ADCY7: variants seen among roughly 807,000 people sequenced by gnomAD.
ADCY7 encodes the protein adenylate cyclase 7, also known as adenylate cyclase type 7.
ADCY7 carries 72 observed loss-of-function variants against 120.6 expected under a neutral mutation model. The observed-to-expected ratio is 0.60, with a 90% CI of 0.49 to 0.73. The LOEUF (loss-of-function observed/expected upper bound fraction) is 0.73. ADCY7 is among the 30% of genes least tolerant of loss of function. The pLI, the probability that ADCY7 is intolerant of heterozygous loss-of-function variation, is 0.00. For synonymous variants in ADCY7, 661 were observed against 628.0 expected (o/e 1.05, Z -0.78); for missense variants, 1,227 against 1,486.0 (o/e 0.83, Z 2.87).
At chr16:50,263,694 T>A (rs1474655921), upstream of ADCY7, among the ~76,000 whole-genome samples, 1 of 151,950 alleles carries the variant, frequency 6.6e-6, no homozygotes, top group African/African-American at 2.4e-5. Flanking sequence ...CTGCCCCTTT[T>A]CTCAAGCCGA....
chr16:50,263,623 C>T (rs2033115481), upstream of ADCY7, among the ~76,000 whole-genome samples: 1 of 152,092 alleles, frequency 6.6e-6, no homozygotes, highest in African/African-American at 2.4e-5. Context: ...CCCATAAGCT[C>T]CCAGCAGGCA....
intron 16 of ADCY7, 105 bp downstream of exon 16, chr16:50,308,516 C>A: frequency 1.3e-6 from 2 of 1,571,984 alleles, no homozygotes; most frequent in South Asian, 2.3e-5. Flanking sequence ...CTGCTCTGGT[C>A]AAGGTTGGGT....
intron 1 of ADCY7, among the ~76,000 whole-genome samples, chr16:50,247,726 C>T (rs1213137213): frequency 6.6e-6 from 1 of 152,042 alleles, no homozygotes; most frequent in African/African-American, 2.4e-5. Context: ...GATTCAGTTT[C>T]TTTTCCATCT....
chr16:50,269,026 A>G (rs1011500303), intron 1 of ADCY7, among the ~76,000 whole-genome samples: 1 of 152,176 alleles, frequency 6.6e-6, no homozygotes, highest in African/African-American at 2.4e-5. Context: ...GGGTGACGGA[A>G]TGAGACCCTG....
At chr16:50,310,583 G>A (rs377175544) in intron 18 of ADCY7, 104 bp from the exon 19 acceptor site, 103 of 1,585,192 alleles carry the variant, frequency 6.5e-5, no homozygotes, top group South Asian at 5.9e-4. Context: ...AGGCAAGAGC[G>A]TGATGCTGAG....
At chr16:50,255,695 C>T (rs754449560) in intron 1 of ADCY7, among the ~76,000 whole-genome samples, 67 of 152,134 alleles carry the variant, frequency 4.4e-4, no homozygotes, top group Non-Finnish European at 6.8e-4. Flanking sequence ...TTTCAACATG[C>T]TGCCCAGGCT....
intron 9 of ADCY7, 63 bp from the exon 10 acceptor site, chr16:50,301,019 T>A (rs1229013770): frequency 6.3e-7 from 1 of 1,590,162 alleles, no homozygotes; most frequent in Admixed American, 1.7e-5. Flanking sequence ...CTGCTGTGCA[T>A]CCCTGGGTGG....
chr16:50,258,859 G>T (rs951743515), intron 1 of ADCY7, among the ~76,000 whole-genome samples: 9 of 152,098 alleles, frequency 5.9e-5, no homozygotes, highest in African/African-American at 1.9e-4. Flanking sequence ...GTCTCCCAAA[G>T]TGCTGGAATT....
intron 4 of ADCY7, 59 bp downstream of exon 4, chr16:50,291,956 G>GT: frequency 6.6e-7 from 1 of 1,516,022 alleles, no homozygotes; most frequent in East Asian, 2.3e-5. Flanking sequence ...AAGGGCAGAT[G>GT]GGGGGGCCCC....
intron 14 of ADCY7, among the ~76,000 whole-genome samples, chr16:50,306,243 C>T (rs4785210): frequency 0.27 from 40,359 of 152,138 alleles, 5,544 homozygotes; most frequent in East Asian, 0.33. Flanking sequence ...GTACTGATAA[C>T]GACCATTTCT....
chr16:50,284,926 T>A (rs1410755244), intron 1 of ADCY7, among the ~76,000 whole-genome samples: 2 of 152,212 alleles, frequency 1.3e-5, no homozygotes, highest in Non-Finnish European at 2.9e-5. Context: ...GAACTGCTGC[T>A]GTTATTACTG....
intron 1 of ADCY7, among the ~76,000 whole-genome samples, chr16:50,247,049 TTGAATGAATGAA>T (rs112588197): frequency 3.9e-5 from 6 of 151,922 alleles, no homozygotes; most frequent in African/African-American, 1.2e-4. Flanking sequence ...GCTCCAGAGA[TTGAATGAATGAA>T]TGAATGAATG....
At position 50,311,813 on chromosome 16, in the gene ADCY7, C is replaced by CT. The variant is rs767506070; in HGVS notation, c.2448+27_2448+28insT. 50 of 1,314,918 alleles carry CT rather than the reference C, an allele frequency of 3.8e-5. No homozygotes were observed. The East Asian group carries it at 1.2e-3, about 32-fold the overall frequency. The allele number at this position is 1,314,918 out of a possible 1,614,324, so 81.5% of individuals were successfully genotyped here. A position where few individuals can be genotyped will look rare whatever the true frequency, so the allele number is the denominator to read the frequency against. On this transcript the variant is annotated intron_variant, in intron 20 of 25. Coordinates refer to ENST00000673801, the MANE Select transcript of ADCY7 (RefSeq NM_001114.5). ...TAAGGAGGCTGGCCCCCCCCCCCCC[C>CT]CCAAGCTCTGCCCACTTTTCCTCAC...
At chr16:50,314,526 T>TTGTCAGATCAGAG in intron 24 of ADCY7, 120 bp downstream of exon 24, 1 of 693,778 alleles carries the variant, frequency 1.4e-6, no homozygotes, top group Non-Finnish European at 2.5e-6. Flanking sequence ...CCCTCTGATC[T>TTGTCAGATCAGAG]GACAAGCTCA....
upstream of ADCY7, among the ~76,000 whole-genome samples, chr16:50,245,361 G>T (rs1284517392): frequency 6.6e-6 from 1 of 152,174 alleles, no homozygotes. Context: ...AGACCAGTGG[G>T]AAAGGGCGGG....
At position 50,310,834 on chromosome 16, in the gene ADCY7, T is replaced by A. The variant is rs776632939; in HGVS notation, c.2308T>A (p.Cys770Ser). The change falls in exon 19 of 26, where the codon TGC (cysteine) becomes AGC (serine). Residue 770 changes from cysteine to serine, a missense_variant. Cys to Ser is a moderately radical substitution (Grantham distance 112). Transcript: ENST00000673801. ...CTCCCCATGCTGGCAGTGGGACTGCTGCGGCCAAGGCCTGGGCAACCTCAC... is the reference window on the plus strand; with the variant it reads ...CTCCCCATGCTGGCAGTGGGACTGCAGCGGCCAAGGCCTGGGCAACCTCAC... ...NLSPCWQWDC[C>S]GQGLGNLTKP... The A allele has an allele frequency of 6.2e-7, 1 of 1,613,404 alleles. No individual in the cohort carries two copies. Among genetic ancestry groups the A allele is most frequent in the South Asian group, 1.1e-5 (1 of 90,954 alleles).
chr16:50,291,690 T>TG, intron 3 of ADCY7, 46 bp from the exon 4 acceptor site: 1 of 1,611,910 alleles, frequency 6.2e-7, no homozygotes, highest in African/African-American at 1.3e-5. Flanking sequence ...CTGTACGGCC[T>TG]GGGGCAGCAT....
intron 1 of ADCY7, among the ~76,000 whole-genome samples, chr16:50,248,612 A>G (rs2032661344): frequency 6.6e-6 from 1 of 152,174 alleles, no homozygotes; most frequent in African/African-American, 2.4e-5. Context: ...TGGACAGATC[A>G]TTTTCTTATT....
intron 1 of ADCY7, among the ~76,000 whole-genome samples, chr16:50,277,872 G>A (rs1217501914): frequency 5.3e-5 from 8 of 151,682 alleles, no homozygotes; most frequent in Middle Eastern, 3.2e-3. Flanking sequence ...GGGTTTCACC[G>A]TGTTAGCCAG....
Sources: gnomAD v4.1 joint callset for allele counts (sites outside exome capture counted in the v4.1 genomes callset) on GRCh38, gnomAD v4.1.1 for gene constraint, MANE v1.5 for transcripts, NCBI Gene and HGNC (gene_info 2026-07-23, HGNC 2026-07-21) for gene names.